The following VPS53 variants were observed in gnomAD, a reference collection of about 807,000 sequenced individuals.
VPS53 encodes vacuolar protein sorting-associated protein 53 homolog.
A neutral mutation model predicts 107.0 loss-of-function variants in VPS53; 70 were observed. The observed-to-expected ratio is 0.65, with a 90% confidence interval of 0.54 to 0.80. VPS53 has a LOEUF of 0.80. Among genes scored for constraint, VPS53 ranks in the 30% least tolerant of loss-of-function variants. The pLI is 0.00. For synonymous variants in VPS53, 409 were observed against 393.3 expected (o/e 1.04, Z -0.47); for missense variants, 917 against 1,049.4 (o/e 0.87, Z 1.74).
At chr17:668,554 C>T (rs1357150006) in intron 4 of VPS53, among the ~76,000 whole-genome samples, 2 of 152,130 alleles carry the variant, frequency 1.3e-5, no homozygotes, top group African/African-American at 4.8e-5. Flanking sequence ...AAAAAAGTTT[C>T]AATCGTGGAG....
intron 15 of VPS53, among the ~76,000 whole-genome samples, chr17:557,150 C>T (rs1039005515): frequency 2.0e-5 from 3 of 152,204 alleles, no homozygotes; most frequent in Admixed American, 1.3e-4. Flanking sequence ...ACCGCGCCCC[C>T]ACTCTTCTGG....
chr17:560,283 T>G, intron 15 of VPS53, 143 bp downstream of exon 15: 26 of 1,111,294 alleles, frequency 2.3e-5, no homozygotes, highest in Non-Finnish European at 3.0e-5. Flanking sequence ...GGCTGGACAC[T>G]GAGCTTTCCT....
intron 13 of VPS53, among the ~76,000 whole-genome samples, chr17:577,230 C>T (rs1360242681): frequency 3.3e-5 from 5 of 151,016 alleles, no homozygotes; most frequent in Non-Finnish European, 7.4e-5. Context: ...CCCTCAGAAC[C>T]TAATCTTTCC....
intron 3 of VPS53, among the ~76,000 whole-genome samples, chr17:698,138 A>C (rs533338810): frequency 6.6e-6 from 1 of 152,342 alleles, no homozygotes; most frequent in East Asian, 1.9e-4. Flanking sequence ...AAGCCATTAA[A>C]AAGCTAGTCG....
At chr17:537,988 C>T (rs1228781001) in intron 17 of VPS53, 1 of 152,292 alleles carries the variant, frequency 6.6e-6, no homozygotes, top group Non-Finnish European at 1.5e-5. Flanking sequence ...AGGAGCCAGG[C>T]GCAGGGGAGA....
chr17:595,180 C>T (rs1967896069), intron 12 of VPS53, among the ~76,000 whole-genome samples: 1 of 106,518 alleles, frequency 9.4e-6, no homozygotes, highest in Non-Finnish European at 2.0e-5. Context: ...TCTAGTGTCC[C>T]CCTGGAGGAA....
chr17:617,084 G>T (rs930967648), intron 11 of VPS53, among the ~76,000 whole-genome samples: 2 of 152,186 alleles, frequency 1.3e-5, no homozygotes, highest in African/African-American at 4.8e-5. Flanking sequence ...TTTCCCGTCC[G>T]GTTATCTGGA....
At position 560,455 on chromosome 17, in the gene VPS53, C is replaced by T. The variant is rs1009388889; in HGVS notation, c.1675G>A (p.Ala559Thr). Reference protein sequence around the residue: ...LCLICNILSTAEYCLATTQQL... With the variant: ...LCLICNILSTTEYCLATTQQL... ...TGGGTGGTGGCCAGACAGTACTCTG[C>T]CGTGCTCAGGATGTTACAGATGAGG... Residue 559 changes from alanine (A) to threonine (T), a missense_variant, in exon 15 of 22, where the codon GCA becomes ACA. Physicochemically the swap from Ala to Thr is moderately conservative, Grantham distance 58. Coordinates refer to ENST00000437048, the MANE Select transcript of VPS53 (RefSeq NM_001128159.3). 2 of 1,612,442 alleles carry T rather than the reference C, an allele frequency of 1.2e-6. No homozygotes were observed. Among genetic ancestry groups the T allele is most frequent in the African/African-American group, 2.7e-5 (2 of 74,872 alleles).
intron 13 of VPS53, among the ~76,000 whole-genome samples, chr17:578,297 A>C (rs1467282253): frequency 6.6e-6 from 1 of 151,094 alleles, no homozygotes; most frequent in Admixed American, 6.6e-5. Flanking sequence ...TCAGAACCTA[A>C]TGCGTTCCCA....
intron 13 of VPS53, among the ~76,000 whole-genome samples, chr17:574,882 C>A (rs1376730216): frequency 1.3e-5 from 2 of 152,204 alleles, no homozygotes; most frequent in Non-Finnish European, 2.9e-5. Flanking sequence ...GGGGGTTCCT[C>A]AAAGACCTGT....
chr17:631,421 C>T (rs1969954945), intron 8 of VPS53, 129 bp downstream of exon 8: 4 of 963,152 alleles, frequency 4.2e-6, no homozygotes, highest in South Asian at 1.4e-5. Flanking sequence ...TTACCCTGAA[C>T]CTGCAGCAGA....
At chr17:637,914 C>T (rs1052829759) in intron 7 of VPS53, among the ~76,000 whole-genome samples, 6 of 152,174 alleles carry the variant, frequency 3.9e-5, no homozygotes, top group Non-Finnish European at 8.8e-5. Context: ...GTGGAGAGTT[C>T]TGTAGATGTC....
At chr17:659,054 G>T (rs1847739) in intron 5 of VPS53, among the ~76,000 whole-genome samples, 149,872 of 151,394 alleles carry the variant, frequency 0.99, 74,204 homozygotes, top group East Asian at 1. Context: ...AAAAAAAAAG[G>T]TTAAGACCAC....
In VPS53 at chr17:519,424, G is replaced by C; in HGVS notation, c.2329-126C>G. 9.8e-7 allele frequency: 1 copy of C among 1,022,892 alleles called. No individual in the cohort carries two copies. The highest frequency in any genetic ancestry group is 1.4e-6 in the Non-Finnish European group (1 of 738,088). The allele number at this position is 1,022,892 out of a possible 1,614,324, so 63.4% of individuals were successfully genotyped here. A position where few individuals can be genotyped will look rare whatever the true frequency, so the allele number is the denominator to read the frequency against. ...GACAGCATAGTTACTCCAGGCTGAGGATGAACCGTTTCCTCAAGGGACTCA... is the reference window on the plus strand; with the variant it reads ...GACAGCATAGTTACTCCAGGCTGAGCATGAACCGTTTCCTCAAGGGACTCA... On this transcript the variant is annotated intron_variant, in intron 21 of 21. Coordinates refer to ENST00000437048, the MANE Select transcript of VPS53 (RefSeq NM_001128159.3). The surrounding 1 kb of genome is among the most constrained non-coding windows in gnomAD (Gnocchi z 5.0).
At chr17:713,814 C>T (rs1219126852) in intron 1 of VPS53, among the ~76,000 whole-genome samples, 1 of 151,488 alleles carries the variant, frequency 6.6e-6, no homozygotes, top group Non-Finnish European at 1.5e-5. Context: ...CCAAGGCGGG[C>T]GGGTTACTTG....
chr17:644,746 C>G (rs996632477), intron 7 of VPS53, among the ~76,000 whole-genome samples: 1 of 152,078 alleles, frequency 6.6e-6, no homozygotes, highest in Admixed American at 6.5e-5. Flanking sequence ...ACCACACCAG[C>G]TCACTTTTTG....
intron 19 of VPS53, among the ~76,000 whole-genome samples, chr17:529,178 A>G (rs1217096057): frequency 2.0e-5 from 3 of 152,198 alleles, no homozygotes; most frequent in African/African-American, 7.2e-5. Flanking sequence ...TAAATCAAGT[A>G]TCTACACATG....
rs1214200854 is a variant in VPS53 at position 524,530 on chromosome 17, CA to C, written c.2086-2793del. On this transcript the variant is annotated intron_variant, in intron 19 of 21. Coordinates refer to ENST00000437048, the MANE Select transcript of VPS53 (RefSeq NM_001128159.3). The surrounding 1 kb of genome is among the most constrained non-coding windows in gnomAD (Gnocchi z 4.5). ...TTCCTACACATCAACAGGAAAAGCA[CA>C]AACTATCCCAACAGCGACACAACAA... 1.3e-5 allele frequency among the ~76,000 whole-genome samples: 2 copies of C among 152,194 alleles called. No homozygotes were observed. Among genetic ancestry groups the C allele is most frequent in the East Asian group, 3.8e-4 (2 of 5,198 alleles).
At position 562,396 on chromosome 17, in the gene VPS53, C is replaced by T. The variant is rs147469246; in HGVS notation, c.1556+107G>A. 410 of 1,502,226 alleles carry T rather than the reference C, an allele frequency of 2.7e-4. 1 individual carries two copies. Among genetic ancestry groups the T allele is most frequent in the Middle Eastern group, 2.0e-3 (10 of 5,062 alleles). The allele number at this position is 1,502,226 out of a possible 1,614,324, so 93.1% of individuals were successfully genotyped here. The stretch of plus-strand genomic sequence containing the variant: ...GGGAACTCAGGAAGCGTGCTTTCCT[C>T]CTTGATACTCTTGGTGGTTTAGTAA... On this transcript the variant is annotated intron_variant, in intron 14 of 21. Coordinates refer to ENST00000437048, the MANE Select transcript of VPS53 (RefSeq NM_001128159.3).
Sources: gnomAD v4.1 joint callset for allele counts (sites outside exome capture counted in the v4.1 genomes callset) on GRCh38, gnomAD v4.1.1 for gene constraint, Gnocchi (gnomAD v3.1) non-coding constraint, MANE v1.5 for transcripts, NCBI Gene and HGNC (gene_info 2026-07-23, HGNC 2026-07-21) for gene names.